Variants in SNTG2 observed in about 807,000 individuals in gnomAD.
SNTG2 encodes the protein syntrophin gamma 2, also known as gamma-2-syntrophin.
In SNTG2, 74 loss-of-function variants were observed where a neutral mutation model predicts 70.9. The observed-to-expected ratio is 1.04, with a 90% CI of 0.86 to 1.27. The LOEUF (loss-of-function observed/expected upper bound fraction) is 1.27, where lower values mean the gene tolerates loss of function less well. Among genes scored for constraint, SNTG2 ranks in the 50% most tolerant of loss-of-function variants. The pLI, the probability that SNTG2 is intolerant of heterozygous loss-of-function variation, is 0.00. For missense variants in SNTG2, 717 were observed against 690.7 expected (o/e 1.04, Z -0.43); for synonymous variants, 278 against 273.8 (o/e 1.02, Z -0.15).
chr2:1,275,454 A>G (rs368284329), intron 14 of SNTG2, among the ~76,000 whole-genome samples: 34 of 152,274 alleles, frequency 2.2e-4, no homozygotes, highest in African/African-American at 7.7e-4. Flanking sequence ...CATTATCACT[A>G]TATCTGTCAC....
At chr2:1,032,417 A>G (rs1347183887) in intron 1 of SNTG2, among the ~76,000 whole-genome samples, 1 of 152,212 alleles carries the variant, frequency 6.6e-6, no homozygotes, top group East Asian at 1.9e-4. Flanking sequence ...GCAAATCTAC[A>G]AGATAAATGA....
intron 16 of SNTG2, among the ~76,000 whole-genome samples, chr2:1,354,913 G>A (rs772549155): frequency 1.3e-5 from 2 of 152,230 alleles, no homozygotes; most frequent in African/African-American, 4.8e-5. Context: ...CACAGGCAAC[G>A]GGGTCTAAGA....
chr2:1,157,268 T>C (rs994405378), intron 6 of SNTG2, among the ~76,000 whole-genome samples: 20 of 152,222 alleles, frequency 1.3e-4, no homozygotes, highest in Admixed American at 1.0e-3. Context: ...AATCATCGAG[T>C]CCTGCCCTGG....
intron 2 of SNTG2, among the ~76,000 whole-genome samples, chr2:1,093,890 C>T (rs928553708): frequency 7.7e-5 from 7 of 90,426 alleles, no homozygotes; most frequent in African/African-American, 3.5e-4. Flanking sequence ...GGTTTGGTTA[C>T]TGGCAAGGGC....
chr2:1,261,593 C>T (rs1275578317), intron 13 of SNTG2, among the ~76,000 whole-genome samples: 6 of 152,174 alleles, frequency 3.9e-5, no homozygotes, highest in African/African-American at 1.4e-4. Context: ...CAGAAAAGCA[C>T]TCTGGACACT....
intron 15 of SNTG2, among the ~76,000 whole-genome samples, chr2:1,308,921 G>A (rs1016489548): frequency 2.6e-5 from 4 of 152,162 alleles, no homozygotes; most frequent in African/African-American, 9.7e-5. Context: ...CTGAACATTC[G>A]TGGTAGCGGT....
Position 1,262,370 on chromosome 2 carries a change from G to A in SNTG2, c.1077+2929G>A, listed in dbSNP as rs151132037. On this transcript the variant is annotated intron_variant, in intron 13 of 16. Coordinates refer to ENST00000308624, the MANE Select transcript of SNTG2 (RefSeq NM_018968.4). ...GCTCCATCCTTCCACAGGGACAGGA[G>A]ATGACGCCATCTTGCCAGTGATCAC... is the stretch of plus-strand genomic sequence containing the variant. Among the ~76,000 whole-genome samples the A allele has an allele frequency of 2.4e-3, 361 of 152,338 alleles. 1 individual carries two copies. Among genetic ancestry groups the A allele is most frequent in the Middle Eastern group, 6.8e-3 (2 of 292 alleles).
At position 1,310,963 on chromosome 2, in the gene SNTG2, G is replaced by A. The variant is rs893092239; in HGVS notation, c.1377+2377G>A. ...TCAGCTGAGCTCCTATAATTAAAGC[G>A]CATTTGTCTACAGCCTGGAGTGCCT... On this transcript the variant is annotated intron_variant, in intron 15 of 16. Coordinates refer to ENST00000308624, the MANE Select transcript of SNTG2 (RefSeq NM_018968.4). Among the ~76,000 whole-genome samples the A allele has an allele frequency of 2.3e-4, 35 of 152,196 alleles. 2 individuals are homozygous for A. The highest frequency in any genetic ancestry group is 1.8e-3 in the Admixed American group (28 of 15,278).
intron 1 of SNTG2, among the ~76,000 whole-genome samples, chr2:965,809 G>A (rs750098360): frequency 3.9e-5 from 6 of 152,118 alleles, no homozygotes; most frequent in Non-Finnish European, 8.8e-5. Context: ...GGGGGTGGCT[G>A]ACAGGTAACC....
intron 16 of SNTG2, among the ~76,000 whole-genome samples, chr2:1,348,243 C>T (rs962496462): frequency 6.6e-6 from 1 of 152,120 alleles, no homozygotes; most frequent in Non-Finnish European, 1.5e-5. Flanking sequence ...AATTCTAAAG[C>T]CCCCCAGCCA....
intron 1 of SNTG2, among the ~76,000 whole-genome samples, chr2:984,919 A>G (rs1292863570): frequency 1.3e-5 from 2 of 152,148 alleles, no homozygotes; most frequent in Non-Finnish European, 2.9e-5. Context: ...AAGGATTGAC[A>G]TGAACCTATT....
rs139565225 is a variant in SNTG2, at chr2:964,818, C to T, written c.72+13750C>T. On this transcript the variant is annotated intron_variant, in intron 1 of 16. Coordinates refer to ENST00000308624, the MANE Select transcript of SNTG2 (RefSeq NM_018968.4). ...CTTGCCGTCCACTGCGTGTGACACT[C>T]GGTTCCATGCTTGGGGTAGGTTCTG... Among the ~76,000 whole-genome samples the T allele has an allele frequency of 6.4e-4, 97 of 152,272 alleles. 1 individual carries two copies. The highest frequency in any genetic ancestry group is 6.8e-3 in the Middle Eastern group (2 of 294).
intron 8 of SNTG2, among the ~76,000 whole-genome samples, chr2:1,175,488 G>A (rs1481756590): frequency 2.0e-5 from 3 of 152,096 alleles, no homozygotes; most frequent in African/African-American, 7.2e-5. Context: ...GATTTTGACT[G>A]TAATTGCCAG....
chr2:1,346,921 T>C (rs1453894956), intron 16 of SNTG2, among the ~76,000 whole-genome samples: 1 of 152,036 alleles, frequency 6.6e-6, no homozygotes. Context: ...GAAGGAACAC[T>C]GAAGTTAAGA....
At chr2:1,041,819 G>A (rs1285780588) in intron 1 of SNTG2, among the ~76,000 whole-genome samples, 1 of 152,144 alleles carries the variant, frequency 6.6e-6, no homozygotes, top group Non-Finnish European at 1.5e-5. Context: ...TTTATAGCAA[G>A]GCAAGAACAG....
Position 1,239,199 on chromosome 2 carries a change from C to A in SNTG2, c.850-539C>A, listed in dbSNP as rs75169837. The stretch of plus-strand genomic sequence containing the variant: ...CACAAATCAGCCCTCATAGGCAGGG[C>A]AGAGAAGTCAGACACCCCAATATTT... On this transcript the variant is annotated intron_variant, in intron 10 of 16. Coordinates refer to ENST00000308624, the MANE Select transcript of SNTG2 (RefSeq NM_018968.4). 9.8e-5 allele frequency among the ~76,000 whole-genome samples: 15 copies of A among 152,312 alleles called. No homozygotes were observed. In the East Asian group the frequency reaches 2.9e-3, roughly 29 times the overall value.
chr2:1,081,940 A>C (rs1664327275), intron 1 of SNTG2, among the ~76,000 whole-genome samples: 1 of 152,152 alleles, frequency 6.6e-6, no homozygotes, highest in Non-Finnish European at 1.5e-5. Context: ...ACAGTCCTGC[A>C]TGTGTGGTTG....
chr2:1,098,862 C>T (rs1665571601), intron 4 of SNTG2, among the ~76,000 whole-genome samples: 1 of 152,214 alleles, frequency 6.6e-6, no homozygotes, highest in Non-Finnish European at 1.5e-5. Context: ...GCCGTCCGTT[C>T]TGCACTTGGC....
Position 1,087,862 on chromosome 2 carries a change from C to G in SNTG2, c.210+4207C>G, listed in dbSNP as rs148377466. Among the ~76,000 whole-genome samples the G allele has an allele frequency of 2.0e-3, 308 of 152,286 alleles. 3 individuals are homozygous for G. Among genetic ancestry groups the G allele is most frequent in the African/African-American group, 7.3e-3 (302 of 41,552 alleles). On this transcript the variant is annotated intron_variant, in intron 2 of 16. Transcript: ENST00000308624. Reference sequence around the variant, plus strand: ...ATTTGAATTGAAGAAGTTAAAGTCTCTCAGATTGTTGAATGGATCATCACA... The same window carrying G: ...ATTTGAATTGAAGAAGTTAAAGTCTGTCAGATTGTTGAATGGATCATCACA...
Sources: allele counts gnomAD v4.1 joint callset (sites outside exome capture counted in the v4.1 genomes callset), GRCh38; gene constraint gnomAD v4.1.1; transcripts MANE v1.5; gene names NCBI Gene and HGNC (gene_info 2026-07-23, HGNC 2026-07-21).